The following CDH1 variants were observed in gnomAD, a reference collection of about 807,000 sequenced individuals.
CDH1 encodes the protein cadherin-1.
A neutral mutation model predicts 84.5 loss-of-function variants in CDH1; 35 were observed. That is an observed-to-expected ratio of 0.41 (90% CI 0.32 to 0.55). The LOEUF is 0.55. Ranked by LOEUF, CDH1 falls within the 20% of genes least tolerant of loss-of-function variation. The pLI is 0.19. For synonymous variants in CDH1, 417 were observed against 439.0 expected, an observed-to-expected ratio of 0.95 and a Z score of 0.63; for missense variants, 994 against 1,126.6, an observed-to-expected ratio of 0.88 and a Z score of 1.68.
At chr16:68,820,234 A>C (rs1414758328) in intron 11 of CDH1, among the ~76,000 whole-genome samples, 1 of 152,098 alleles carries the variant, frequency 6.6e-6, no homozygotes, top group Non-Finnish European at 1.5e-5. Flanking sequence ...AATTTTGGTC[A>C]AACAGAACTT....
chr16:68,768,576 G>T lies in CDH1; in HGVS notation c.163+30165G>T, dbSNP rs143343365. 9.6e-3 allele frequency among the ~76,000 whole-genome samples: 1,456 copies of T among 152,280 alleles called. 27 individuals are homozygous for T. Among genetic ancestry groups the T allele is most frequent in the African/African-American group, 0.033 (1,372 of 41,558 alleles). On this transcript the variant is annotated intron_variant, in intron 2 of 15. Coordinates refer to ENST00000261769, the MANE Select transcript of CDH1 (RefSeq NM_004360.5). Reference sequence around the variant, plus strand: ...AAATATAGATAGCTAAAAGAAAAAAGCTGGGTGCAGTGGTACATGCCTATA... The same window carrying T: ...AAATATAGATAGCTAAAAGAAAAAATCTGGGTGCAGTGGTACATGCCTATA...
chr16:68,768,932 C>T (rs1567486465), intron 2 of CDH1, among the ~76,000 whole-genome samples: 1 of 152,354 alleles, frequency 6.6e-6, no homozygotes, highest in East Asian at 1.9e-4. Context: ...CCCAGGCATC[C>T]TCATGCCACT....
intron 5 of CDH1, among the ~76,000 whole-genome samples, chr16:68,809,949 A>T (rs1399969647): frequency 6.6e-6 from 1 of 152,216 alleles, no homozygotes; most frequent in Admixed American, 6.5e-5. Context: ...TCTAGGCCTG[A>T]TGCCCTGGTC....
In CDH1 at chr16:68,834,323, T is replaced by C. The variant is rs912327542; in HGVS notation, c.*824T>C. 1 of 507,738 alleles carries C rather than the reference T, an allele frequency of 2.0e-6. No individual in the cohort carries two copies. Among genetic ancestry groups the C allele is most frequent in the Non-Finnish European group, 3.9e-6 (1 of 258,900 alleles). The allele number at this position is 507,738 out of a possible 1,614,324, so 31.5% of individuals were successfully genotyped here. ...ATCGCCCAGGCCTGGGATGCAGTGA[T>C]GTGATCATAGCTCACTGTAACCTCA... On this transcript the variant is annotated 3_prime_UTR_variant, in exon 16 of 16. Transcript: ENST00000261769.
intron 2 of CDH1, among the ~76,000 whole-genome samples, chr16:68,762,732 A>T (rs933036922): frequency 6.6e-6 from 1 of 151,986 alleles, no homozygotes; most frequent in African/African-American, 2.4e-5. Flanking sequence ...GACATGGCGA[A>T]ACCCAGTCTG....
chr16:68,743,352 TTTC>T (rs757299546), intron 2 of CDH1, among the ~76,000 whole-genome samples: 19,555 of 62,706 alleles, frequency 0.31, 3,331 homozygotes, highest in Admixed American at 0.32. Context: ...TCTTTCTTTC[TTTC>T]TTTCTTTCTT....
In CDH1 at chr16:68,819,359, G is replaced by A. The variant is rs876659525; in HGVS notation, c.1645G>A (p.Asp549Asn). 1 of 1,613,966 alleles carries A rather than the reference G, an allele frequency of 6.2e-7. No individual in the cohort carries two copies. The highest frequency in any genetic ancestry group is 8.5e-7 in the Non-Finnish European group (1 of 1,180,040). ...TGAISTRAEL[D>N]REDFEHVKNS... is the part of the protein sequence containing the mutation. ...TGCCATTTCCACTCGGGCTGAGCTG[G>A]ACAGGGAGGATTTTGAGCACGTGAA... Residue 549 changes from aspartate to asparagine, a missense_variant, in exon 11 of 16, where the codon GAC (aspartate) becomes AAC (asparagine). Transcript: ENST00000261769.
At chr16:68,804,433 C>A (rs1018969904) in intron 3 of CDH1, among the ~76,000 whole-genome samples, 1 of 152,056 alleles carries the variant, frequency 6.6e-6, no homozygotes, top group African/African-American at 2.4e-5. Context: ...TTTAAGAAAC[C>A]TTTGTGGAAT....
intron 2 of CDH1, among the ~76,000 whole-genome samples, chr16:68,748,262 T>G (rs548924112): frequency 2.0e-5 from 3 of 151,924 alleles, no homozygotes; most frequent in African/African-American, 7.2e-5. Context: ...ACAGGCATGC[T>G]ACACCACACC....
intron 3 of CDH1, among the ~76,000 whole-genome samples, chr16:68,807,665 G>A (rs1168867902): frequency 6.6e-6 from 1 of 151,874 alleles, no homozygotes; most frequent in East Asian, 1.9e-4. Flanking sequence ...CTCCAGCCTG[G>A]GTGACAGAGC....
At chr16:68,825,385 T>C (rs1462889199) in intron 13 of CDH1, among the ~76,000 whole-genome samples, 1 of 152,108 alleles carries the variant, frequency 6.6e-6, no homozygotes, top group Non-Finnish European at 1.5e-5. Flanking sequence ...GCCAAGCTGG[T>C]GGGAATGGAA....
chr16:68,771,737 C>T (rs1454396201), intron 2 of CDH1, among the ~76,000 whole-genome samples: 3 of 143,706 alleles, frequency 2.1e-5, no homozygotes, highest in South Asian at 2.3e-4. Context: ...GGCGACAGAG[C>T]AAGACTCCCT....
At chr16:68,745,784 A>G (rs1057052048) in intron 2 of CDH1, among the ~76,000 whole-genome samples, 1 of 151,720 alleles carries the variant, frequency 6.6e-6, no homozygotes, top group Non-Finnish European at 1.5e-5. Context: ...CTGAGAGCCA[A>G]TCTCCAAGGG....
chr16:68,835,101 A>G lies in CDH1; in HGVS notation c.*1602A>G, dbSNP rs1203320800. ...CACATTTGCCCAATTCCAGGTGTGC[A>G]CAGAAAACCGAGAATATTCAAAATT... On this transcript the variant is annotated 3_prime_UTR_variant, in exon 16 of 16. Transcript: ENST00000261769. The G allele has an allele frequency of 8.6e-6, 2 of 232,056 alleles. No individual in the cohort carries two copies. Among genetic ancestry groups the G allele is most frequent in the Non-Finnish European group, 1.7e-5 (2 of 117,290 alleles). The allele number at this position is 232,056 out of a possible 1,614,324, so 14.4% of individuals were successfully genotyped here.
chr16:68,771,479 C>T (rs1372794714), intron 2 of CDH1, among the ~76,000 whole-genome samples: 1 of 152,064 alleles, frequency 6.6e-6, no homozygotes, highest in Non-Finnish European at 1.5e-5. Flanking sequence ...TGTAGCCGGG[C>T]GCGGTGGCTC....
intron 2 of CDH1, among the ~76,000 whole-genome samples, chr16:68,781,806 CT>C (rs1229273576): frequency 6.6e-6 from 1 of 152,094 alleles, no homozygotes; most frequent in Non-Finnish European, 1.5e-5. Context: ...GGATCTGAGA[CT>C]CTTTGAGAGA....
At chr16:68,759,487 C>CTTT (rs141278700) in intron 2 of CDH1, among the ~76,000 whole-genome samples, 1 of 136,126 alleles carries the variant, frequency 7.3e-6, no homozygotes. Flanking sequence ...TCTTTTCTTT[C>CTTT]TTTTTTTTTT....
Position 68,758,213 on chromosome 16 carries a change from T to C in CDH1, c.163+19802T>C, listed in dbSNP as rs1308443473. Among the ~76,000 whole-genome samples the C allele has an allele frequency of 1.4e-3, 162 of 119,822 alleles. 1 individual carries two copies. The highest frequency in any genetic ancestry group is 3.8e-3 in the Middle Eastern group (1 of 264). The allele number at this position is 119,822 out of a possible 152,430, so 78.6% of individuals were successfully genotyped here. On this transcript the variant is annotated intron_variant, in intron 2 of 15. Transcript: ENST00000261769. ...GGTAGGCTTCTTTTTATTTCTTTTT[T>C]TTTTTTTTTTTTTTTTTTTTTGAGA...
intron 2 of CDH1, among the ~76,000 whole-genome samples, chr16:68,739,019 C>T (rs1271731685): frequency 8.0e-6 from 1 of 125,444 alleles, no homozygotes; most frequent in African/African-American, 3.0e-5. Flanking sequence ...ACAATCATAG[C>T]TTACTGCAGC....
Sources: gnomAD v4.1 joint callset for allele counts (sites outside exome capture counted in the v4.1 genomes callset) on GRCh38, gnomAD v4.1.1 for gene constraint, MANE v1.5 for transcripts, NCBI Gene and HGNC (gene_info 2026-07-23, HGNC 2026-07-21) for gene names.